The following ZSWIM5 variants were observed in gnomAD, a reference collection of about 807,000 sequenced individuals.
ZSWIM5 encodes zinc finger SWIM domain-containing protein 5.
In ZSWIM5, 55 loss-of-function variants were observed where a neutral mutation model predicts 119.6. That is an observed-to-expected ratio of 0.46 (90% CI 0.37 to 0.58). The LOEUF is 0.58. Among genes scored for constraint, ZSWIM5 ranks in the 20% least tolerant of loss-of-function variants. ZSWIM5 has a pLI of 0.00. For missense variants in ZSWIM5, 1,193 were observed against 1,512.8 expected, an observed-to-expected ratio of 0.79 and a Z score of 3.51; for synonymous variants, 537 against 606.9, an observed-to-expected ratio of 0.88 and a Z score of 1.69.
intron 1 of ZSWIM5, among the ~76,000 whole-genome samples, chr1:45,146,887 T>C (rs947864533): frequency 6.6e-6 from 1 of 152,196 alleles, no homozygotes; most frequent in Non-Finnish European, 1.5e-5. Context: ...ATGACCATCC[T>C]TGGTCCTACA....
At chr1:45,043,483 A>T (rs57640017) in intron 5 of ZSWIM5, 88 bp from the exon 6 acceptor site, 1 of 1,298,702 alleles carries the variant, frequency 7.7e-7, no homozygotes, top group African/African-American at 1.5e-5. Flanking sequence ...AGGTTGGCTG[A>T]ATAATAGTAT....
At chr1:45,030,671 G>C (rs1169039570) in intron 11 of ZSWIM5, among the ~76,000 whole-genome samples, 1 of 152,056 alleles carries the variant, frequency 6.6e-6, no homozygotes, top group Non-Finnish European at 1.5e-5. Context: ...TTACCATTTT[G>C]ATGTCTTTAG....
At chr1:45,114,771 T>G (rs1645537711) in intron 1 of ZSWIM5, among the ~76,000 whole-genome samples, 1 of 152,154 alleles carries the variant, frequency 6.6e-6, no homozygotes, top group South Asian at 2.1e-4. Flanking sequence ...TCTCTGGTTT[T>G]CCTAGGCAGA....
intron 1 of ZSWIM5, among the ~76,000 whole-genome samples, chr1:45,089,519 T>C (rs181904832): frequency 4.6e-5 from 7 of 152,352 alleles, no homozygotes; most frequent in Non-Finnish European, 7.4e-5. Context: ...TAAAGGTATG[T>C]AAACTGAGGT....
chr1:45,035,624 T>A (rs199979191), intron 10 of ZSWIM5, 64 bp downstream of exon 10: 47 of 1,572,276 alleles, frequency 3.0e-5, no homozygotes, highest in Admixed American at 1.9e-5. Flanking sequence ...AAATAAGCAA[T>A]GAAAAAGAGC....
chr1:45,169,799 G>A (rs1235430342), intron 1 of ZSWIM5, among the ~76,000 whole-genome samples: 1 of 151,918 alleles, frequency 6.6e-6, no homozygotes, highest in Admixed American at 6.6e-5. Context: ...GTATTAGATG[G>A]TAGAATCTGA....
intron 2 of ZSWIM5, among the ~76,000 whole-genome samples, chr1:45,076,593 T>C (rs905246476): frequency 1.3e-5 from 2 of 152,188 alleles, no homozygotes; most frequent in Non-Finnish European, 2.9e-5. Context: ...TTGGGTTAAA[T>C]ATGCTTGGTG....
intron 1 of ZSWIM5, among the ~76,000 whole-genome samples, chr1:45,187,656 A>G (rs1646067433): frequency 6.6e-6 from 1 of 152,184 alleles, no homozygotes; most frequent in South Asian, 2.1e-4. Context: ...CAAGAGAGTT[A>G]AGACACCTCA....
chr1:45,181,108 A>C (rs1298219004), intron 1 of ZSWIM5, among the ~76,000 whole-genome samples: 2 of 152,184 alleles, frequency 1.3e-5, no homozygotes, highest in African/African-American at 4.8e-5. Flanking sequence ...AGTTGAGAAA[A>C]GAAGGCTTCA....
At chr1:45,047,583 G>A (rs1645063809) in intron 5 of ZSWIM5, among the ~76,000 whole-genome samples, 1 of 152,136 alleles carries the variant, frequency 6.6e-6, no homozygotes, top group Admixed American at 6.6e-5. Flanking sequence ...TGGAGATGCA[G>A]GAGAGAGAGG....
At chr1:45,095,194 C>T (rs1275142828) in intron 1 of ZSWIM5, among the ~76,000 whole-genome samples, 2 of 151,642 alleles carry the variant, frequency 1.3e-5, no homozygotes, top group East Asian at 3.9e-4. Context: ...GTGGTGTGAT[C>T]ATGGCTTACT....
chr1:45,196,034 G>GT (rs34236930), intron 1 of ZSWIM5, among the ~76,000 whole-genome samples: 6,458 of 103,892 alleles, frequency 0.062, 316 homozygotes, highest in East Asian at 0.15. Flanking sequence ...CACCCAGCTA[G>GT]TTTTTTTTTT....
rs1388278633 is a variant in ZSWIM5, at chr1:45,034,423, G to A, written c.2338C>T (p.Pro780Ser). The change falls in exon 11 of 14, where the codon CCT becomes TCT. Residue 780 changes from proline (P) to serine (S), a missense_variant. Pro to Ser is a moderately conservative substitution (Grantham distance 74). Coordinates refer to ENST00000359600, the MANE Select transcript of ZSWIM5 (RefSeq NM_020883.2). ...NSASAGDTSH[P>S]HHMVSVVPSR... is the part of the protein sequence containing the mutation. ...GGCACCACAGACACCATATGGTGAGGGTGGGATGTGTCGCCTGCAGAAGCT... is the reference window on the plus strand; with the variant it reads ...GGCACCACAGACACCATATGGTGAGAGTGGGATGTGTCGCCTGCAGAAGCT... 6.2e-7 allele frequency: 1 copy of A among 1,613,162 alleles called. No individual in the cohort carries two copies. Among genetic ancestry groups the A allele is most frequent in the Non-Finnish European group, 8.5e-7 (1 of 1,179,624 alleles).
intron 1 of ZSWIM5, among the ~76,000 whole-genome samples, chr1:45,186,466 G>A (rs574632038): frequency 6.7e-4 from 101 of 150,944 alleles, no homozygotes; most frequent in Middle Eastern, 6.8e-3. Context: ...AAAATGATAC[G>A]GTATAAAAAA....
chr1:45,152,708 A>T (rs1477755499), intron 1 of ZSWIM5, among the ~76,000 whole-genome samples: 1 of 152,154 alleles, frequency 6.6e-6, no homozygotes, highest in East Asian at 1.9e-4. Flanking sequence ...AGAATTTATG[A>T]CTAAGTCCTC....
At chr1:45,050,714 TG>T (rs1228117300) in intron 5 of ZSWIM5, among the ~76,000 whole-genome samples, 6 of 152,196 alleles carry the variant, frequency 3.9e-5, no homozygotes, top group African/African-American at 1.4e-4. Flanking sequence ...ACAGGTCTTT[TG>T]TTCCTCCCCT....
chr1:45,089,064 A>G lies in ZSWIM5; in HGVS notation c.596-827T>C, dbSNP rs1166560051. On this transcript the variant is annotated intron_variant, in intron 1 of 13. Coordinates refer to ENST00000359600, the MANE Select transcript of ZSWIM5 (RefSeq NM_020883.2). The stretch of plus-strand genomic sequence containing the variant: ...GGCCTCTGTCTCCTGGGCTCAAGTG[A>G]TCCTCCCACTCTCAGCCTCAAGTGC... Among the ~76,000 whole-genome samples the G allele has an allele frequency of 2.6e-5, 4 of 152,228 alleles. No homozygotes were observed. The South Asian group carries it at 8.3e-4, about 32-fold the overall frequency.
At chr1:45,089,996 A>G (rs1308582598) in intron 1 of ZSWIM5, among the ~76,000 whole-genome samples, 1 of 152,266 alleles carries the variant, frequency 6.6e-6, no homozygotes, top group Non-Finnish European at 1.5e-5. Context: ...TATTTTAAAT[A>G]ATCTTATATC....
chr1:45,036,243 G>A lies in ZSWIM5; in HGVS notation c.1951C>T (p.Pro651Ser). ...YQHVPVAAGSPNSSESYLSLA... is the reference protein window; with the variant it reads ...YQHVPVAAGSSNSSESYLSLA... ...GACAGGTAGGACTCACTGCTGTTTG[G>A]GGAGCCTGCAGCCACAGGTACATGC... is the stretch of plus-strand genomic sequence containing the variant. The change falls in exon 9 of 14, where the codon CCA becomes TCA. Residue 651 changes from proline to serine, a missense_variant. This residue lies in a region of ZSWIM5 where 961 missense variants were observed against 1,290.0 expected (regional missense o/e 0.74). Transcript: ENST00000359600. The A allele has an allele frequency of 6.2e-7, 1 of 1,614,102 alleles. No individual in the cohort carries two copies.
Sources: gnomAD v4.1 joint callset for allele counts (sites outside exome capture counted in the v4.1 genomes callset) on GRCh38, gnomAD v4.1.1 for gene constraint, gnomAD v4.1.1 regional missense constraint, MANE v1.5 for transcripts, NCBI Gene and HGNC (gene_info 2026-07-23, HGNC 2026-07-21) for gene names.